The following DIS3L variants were observed in gnomAD, a reference collection of about 807,000 sequenced individuals.
The protein encoded by DIS3L is DIS3 like exosome 3'-5' exoribonuclease, also known as DIS3-like exonuclease 1.
Under a neutral mutation model 120.3 loss-of-function variants are expected in DIS3L, and 100 were observed. The observed-to-expected ratio is 0.83, with a 90% CI of 0.71 to 0.98. The LOEUF (loss-of-function observed/expected upper bound fraction) is 0.98. Ranked by LOEUF, DIS3L falls within the 50% of genes least tolerant of loss-of-function variation. DIS3L has a pLI of 0.00. For missense variants in DIS3L, 1,196 were observed against 1,314.2 expected (o/e 0.91, Z 1.39); for synonymous variants, 426 against 470.6 (o/e 0.91, Z 1.23).
chr15:66,323,469 T>C (rs371349620), intron 10 of DIS3L, 24 bp from the exon 11 acceptor site: 122 of 1,613,250 alleles, frequency 7.6e-5, no homozygotes, highest in Middle Eastern at 1.7e-4. Flanking sequence ...AAAGGTCGCG[T>C]TGCCGCGTGT....
upstream of DIS3L, chr15:66,293,493 G>C (rs959186642): frequency 1.2e-5 from 15 of 1,237,872 alleles, no homozygotes; most frequent in Admixed American, 4.5e-5. Context: ...CGGCAGTTAC[G>C]GCGGTTCCGG....
At chr15:66,297,277 T>C (rs2092597763) in intron 2 of DIS3L, among the ~76,000 whole-genome samples, 1 of 152,176 alleles carries the variant, frequency 6.6e-6, no homozygotes, top group African/African-American at 2.4e-5. Flanking sequence ...GTTATTTGAC[T>C]TTTTTTAATT....
intron 9 of DIS3L, among the ~76,000 whole-genome samples, chr15:66,322,328 A>T (rs2092893163): frequency 6.6e-6 from 1 of 152,200 alleles, no homozygotes; most frequent in African/African-American, 2.4e-5. Flanking sequence ...AAGCTTGACT[A>T]CATTTAAACA....
At chr15:66,297,766 G>C (rs2092603748) in intron 2 of DIS3L, among the ~76,000 whole-genome samples, 1 of 152,124 alleles carries the variant, frequency 6.6e-6, no homozygotes, top group Non-Finnish European at 1.5e-5. Context: ...ATAATCCCTG[G>C]TCCTGTCTGG....
chr15:66,324,218 A>T (rs2092914354), intron 11 of DIS3L, among the ~76,000 whole-genome samples: 1 of 152,222 alleles, frequency 6.6e-6, no homozygotes, highest in Non-Finnish European at 1.5e-5. Flanking sequence ...GGTATCTTGG[A>T]GATCATTCCG....
rs544539420 is a variant in DIS3L at position 66,303,962 on chromosome 15, C to T, written c.294-2862C>T. ...AAAATTAGCCAGGTGTCTTGGTGGG[C>T]ATCTGCAGTCCCAGCTACTCGGGAG... is the stretch of plus-strand genomic sequence containing the variant. On this transcript the variant is annotated intron_variant, in intron 2 of 16. Coordinates refer to ENST00000319212, the MANE Select transcript of DIS3L (RefSeq NM_001143688.3). 5.8e-4 allele frequency among the ~76,000 whole-genome samples: 88 copies of T among 151,684 alleles called. 4 individuals carry two copies. The South Asian group carries it at 0.018, about 31-fold the overall frequency.
In DIS3L at chr15:66,322,731, G is replaced by A. The variant is rs2092897964; in HGVS notation, c.1371G>A (p.Val457=). ...PVNTPESPWK[V]SPEEEQKRKD... is the part of the protein sequence containing the mutation. ...ACACACCAGAAAGTCCCTGGAAGGT[G>A]AGTCCTGAAGAGGAACAAAAACGTA... The change falls in exon 10 of 17, where the codon GTG becomes GTA. Residue 457 remains valine (V), a synonymous_variant. Coordinates refer to ENST00000319212, the MANE Select transcript of DIS3L (RefSeq NM_001143688.3). 6 of 1,614,050 alleles carry A rather than the reference G, an allele frequency of 3.7e-6. No individual in the cohort carries two copies. Among genetic ancestry groups the A allele is most frequent in the Non-Finnish European group, 4.2e-6 (5 of 1,180,036 alleles).
intron 2 of DIS3L, among the ~76,000 whole-genome samples, chr15:66,295,486 T>TA: frequency 6.6e-6 from 1 of 152,368 alleles, no homozygotes; most frequent in South Asian, 2.1e-4. Context: ...TATTTATAGA[T>TA]ACATTGTTTC....
At chr15:66,321,846 A>T (rs1355890478) in intron 9 of DIS3L, among the ~76,000 whole-genome samples, 1 of 152,046 alleles carries the variant, frequency 6.6e-6, no homozygotes, top group Admixed American at 6.6e-5. Flanking sequence ...CTTGGAATGT[A>T]ATCCTTAAAG....
chr15:66,320,538 C>T (rs1470666041), intron 8 of DIS3L, 33 bp from the exon 9 acceptor site: 6 of 1,592,246 alleles, frequency 3.8e-6, no homozygotes, highest in Admixed American at 1.8e-5. Flanking sequence ...ACTCCTGGTG[C>T]TCAGCTGTGT....
At chr15:66,314,015 T>G in intron 5 of DIS3L, 24 bp from the exon 6 acceptor site, 1 of 1,532,236 alleles carries the variant, frequency 6.5e-7, no homozygotes, top group Non-Finnish European at 8.8e-7. Flanking sequence ...TTTTTCATAT[T>G]GATTTTTTAA....
chr15:66,303,199 T>C lies in DIS3L; in HGVS notation c.294-3625T>C, dbSNP rs566331640. On this transcript the variant is annotated intron_variant, in intron 2 of 16. Transcript: ENST00000319212. ...ATTCCACATTTTGTTTATCCATTCA[T>C]CCATTGATAGATTGCTTCCACCTTT... Among the ~76,000 whole-genome samples the C allele has an allele frequency of 1.2e-4, 18 of 152,334 alleles. No individual in the cohort carries two copies. In the South Asian group the frequency reaches 3.7e-3, roughly 32 times the overall value.
In DIS3L at chr15:66,325,819, C is replaced by T; in HGVS notation, c.1668-12C>T. The T allele has an allele frequency of 6.4e-7, 1 of 1,573,634 alleles. No individual in the cohort carries two copies. Among genetic ancestry groups the T allele is most frequent in the Non-Finnish European group, 8.6e-7 (1 of 1,157,314 alleles). On this transcript the variant is annotated splice_polypyrimidine_tract_variant and intron_variant, in intron 11 of 16. Transcript: ENST00000319212. ...TTGAATAGTGATGTTGTCAATGTTA[C>T]TGTTTTTGTAGGTATGCTGTAAGCA... is the stretch of plus-strand genomic sequence containing the variant.
intron 14 of DIS3L, 198 bp downstream of exon 14, chr15:66,329,597 T>A (rs1052070785): frequency 3.1e-6 from 4 of 1,285,466 alleles, no homozygotes; most frequent in Non-Finnish European, 3.9e-6. Context: ...TTATCAGATT[T>A]TTTTTTTTCC....
intron 7 of DIS3L, among the ~76,000 whole-genome samples, chr15:66,315,489 C>G (rs1421138584): frequency 6.6e-6 from 1 of 152,042 alleles, no homozygotes; most frequent in Non-Finnish European, 1.5e-5. Context: ...TTAAGATCTA[C>G]TCTCTTAGCA....
chr15:66,301,143 A>G (rs536249658), intron 2 of DIS3L, among the ~76,000 whole-genome samples: 3 of 152,316 alleles, frequency 2.0e-5, no homozygotes, highest in South Asian at 2.1e-4. Flanking sequence ...ATAGTAAAAA[A>G]AATCAACCTA....
At chr15:66,329,858 GCCGAGATCA>G (rs2140415327) in intron 14 of DIS3L, 1 of 966,022 alleles carries the variant, frequency 1.0e-6, no homozygotes. Flanking sequence ...ATTGCAGTGG[GCCGAGATCA>G]CACCACTGCA....
rs201072464 is a variant in DIS3L, at chr15:66,331,957, G to A, written c.2618G>A (p.Arg873His). The change falls in exon 15 of 17, where the codon CGT becomes CAT. Residue 873 changes from arginine to histidine, a missense_variant. By Grantham distance (29) the Arg-to-His change is conservative (BLOSUM62 0). Transcript: ENST00000319212. Reference sequence around the variant, plus strand: ...GACAAAGACCCTGCCACCGAGGAGCGTTGCATATCTGACGGAGTTATTTAT... The same window carrying A: ...GACAAAGACCCTGCCACCGAGGAGCATTGCATATCTGACGGAGTTATTTAT... The part of the protein sequence containing the change: ...FKDKDPATEE[R>H]CISDGVIYSI... 378 of 1,613,224 alleles carry A rather than the reference G, an allele frequency of 2.3e-4. 1 individual carries two copies. The highest frequency in any genetic ancestry group is 1.2e-3 in the South Asian group (112 of 90,996).
chr15:66,331,111 C>T (rs939976194), intron 14 of DIS3L, among the ~76,000 whole-genome samples: 1 of 151,954 alleles, frequency 6.6e-6, no homozygotes, highest in Non-Finnish European at 1.5e-5. Context: ...GCCAAGATCG[C>T]GCCATTGCAC....
Sources: gnomAD v4.1 joint callset for allele counts (sites outside exome capture counted in the v4.1 genomes callset) on GRCh38, gnomAD v4.1.1 for gene constraint, MANE v1.5 for transcripts, NCBI Gene and HGNC (gene_info 2026-07-23, HGNC 2026-07-21) for gene names.